SUN1: variants seen among roughly 807,000 people sequenced by gnomAD.
SUN1 encodes the protein SUN domain-containing protein 1.
A neutral mutation model predicts 103.2 loss-of-function variants in SUN1; 61 were observed. The observed-to-expected ratio is 0.59, with a 90% CI of 0.48 to 0.73. The LOEUF (loss-of-function observed/expected upper bound fraction) is 0.73. Among genes scored for constraint, SUN1 ranks in the 30% least tolerant of loss-of-function variants. SUN1 has a pLI of 0.00. For missense variants in SUN1, 1,052 were observed against 1,034.6 expected (o/e 1.02, Z -0.23); for synonymous variants, 490 against 425.7 (o/e 1.15, Z -1.86).
At chr7:845,562 A>G (rs1562644522) in intron 5 of SUN1, among the ~76,000 whole-genome samples, 1 of 152,208 alleles carries the variant, frequency 6.6e-6, no homozygotes, top group East Asian at 1.9e-4. Flanking sequence ...ACACTTCCAG[A>G]AATTTCCCCT....
intron 15 of SUN1, among the ~76,000 whole-genome samples, chr7:862,732 C>T (rs1306553386): frequency 6.6e-6 from 1 of 152,090 alleles, no homozygotes; most frequent in East Asian, 1.9e-4. Flanking sequence ...GAGGCTGCAC[C>T]GAAGGTTCCA....
At chr7:823,325 C>G (rs1788166507) in intron 1 of SUN1, among the ~76,000 whole-genome samples, 1 of 152,154 alleles carries the variant, frequency 6.6e-6, no homozygotes, top group Non-Finnish European at 1.5e-5. Context: ...TTGACAGTAA[C>G]TGGGGTAGGA....
rs1321957137 is a variant in SUN1 at position 842,239 on chromosome 7, C to G, written c.451+109C>G. ...AGGTTGTCGGTTTGCATGGATTATG[C>G]TAGGGAGAGGGAGGCTGTGGCCACA... On this transcript the variant is annotated intron_variant, in intron 3 of 18. Transcript: ENST00000401592. 3.3e-6 allele frequency: 4 copies of G among 1,220,198 alleles called. No homozygotes were observed. In the African/African-American group the frequency reaches 4.5e-5, roughly 14 times the overall value. 75.6% of individuals were successfully genotyped at this position (1,220,198 alleles called of 1,614,324 possible).
chr7:873,541 G>A lies in SUN1; in HGVS notation c.*210G>A, dbSNP rs879035168. On this transcript the variant is annotated 3_prime_UTR_variant, in exon 19 of 19. Coordinates refer to ENST00000401592, the MANE Select transcript of SUN1 (RefSeq NM_001130965.3). The stretch of plus-strand genomic sequence containing the variant: ...TGCCTCTGCAGGTGCAGAGGGGTCA[G>A]CAGCAGGAGAAGCGTGTTGAACACG... 8 of 528,088 alleles carry A rather than the reference G, an allele frequency of 1.5e-5. No homozygotes were observed. The South Asian group carries it at 2.1e-4, about 14-fold the overall frequency. The allele number at this position is 528,088 out of a possible 1,614,324, so 32.7% of individuals were successfully genotyped here. A position where few individuals can be genotyped will look rare whatever the true frequency, so the allele number is the denominator to read the frequency against.
chr7:858,494 C>G (rs899158250), intron 13 of SUN1, among the ~76,000 whole-genome samples: 2 of 152,244 alleles, frequency 1.3e-5, no homozygotes, highest in Non-Finnish European at 2.9e-5. Context: ...TCAGCACCCA[C>G]CATGCGTCTT....
chr7:855,790 T>G (rs1161885938), intron 11 of SUN1, among the ~76,000 whole-genome samples: 1 of 151,422 alleles, frequency 6.6e-6, no homozygotes, highest in East Asian at 1.9e-4. Flanking sequence ...GGGCGCCTCC[T>G]CCTCTGTCCA....
intron 14 of SUN1, among the ~76,000 whole-genome samples, chr7:860,751 T>C (rs1337200345): frequency 6.6e-6 from 1 of 152,200 alleles, no homozygotes. Flanking sequence ...GAAAGGATCA[T>C]TGACTCACAG....
chr7:851,676 C>T, intron 6 of SUN1, 194 bp downstream of exon 6: 1 of 664,696 alleles, frequency 1.5e-6, no homozygotes, highest in Non-Finnish European at 2.5e-6. Flanking sequence ...CTTGGTTTCT[C>T]TGGGGTTGGG....
intron 15 of SUN1, among the ~76,000 whole-genome samples, chr7:863,209 C>T (rs1364220683): frequency 6.6e-6 from 1 of 151,508 alleles, no homozygotes; most frequent in African/African-American, 2.4e-5. Context: ...AGTGCCAGGG[C>T]CCCTGGAGTG....
chr7:850,767 T>TAAAAAAAAAA (rs771076592), intron 5 of SUN1: 3 of 125,568 alleles, frequency 2.4e-5, no homozygotes, highest in Admixed American at 8.3e-5. Flanking sequence ...TCTCTTAAAT[T>TAAAAAAAAAA]AAAAAAAAAA....
At chr7:822,483 C>CA (rs1360947756) in intron 1 of SUN1, among the ~76,000 whole-genome samples, 18 of 152,180 alleles carry the variant, frequency 1.2e-4, no homozygotes, top group African/African-American at 4.1e-4. Flanking sequence ...GGTGGGGAGA[C>CA]ACCCCTCGGG....
intron 13 of SUN1, among the ~76,000 whole-genome samples, chr7:858,806 C>G (rs1194769267): frequency 1.3e-5 from 2 of 152,180 alleles, no homozygotes; most frequent in Non-Finnish European, 2.9e-5. Context: ...AAGATTATCT[C>G]TGATGTGCAG....
Position 843,480 on chromosome 7 carries a change from G to C in SUN1, c.618G>C (p.Gly206=). 1 of 1,614,076 alleles carries C rather than the reference G, an allele frequency of 6.2e-7. No homozygotes were observed. The highest frequency in any genetic ancestry group is 1.1e-5 in the South Asian group (1 of 91,086). ...DVLTAHPAAP[G]PVSRVYSRDR... ...TCACGGCGCACCCCGCGGCCCCCGG[G>C]CCCGTGTCGAGAGTTTATTCTAGGG... The change falls in exon 5 of 19, where the codon GGG becomes GGC. Residue 206 remains glycine (G), a synonymous_variant. Coordinates refer to ENST00000401592, the MANE Select transcript of SUN1 (RefSeq NM_001130965.3).
intron 11 of SUN1, among the ~76,000 whole-genome samples, chr7:855,365 A>G (rs1430910052): frequency 6.6e-6 from 1 of 152,196 alleles, no homozygotes; most frequent in East Asian, 1.9e-4. Context: ...GAGGGGGGAT[A>G]AAGGACCTGA....
At chr7:864,623 T>G (rs1468950031) in intron 15 of SUN1, among the ~76,000 whole-genome samples, 1 of 148,904 alleles carries the variant, frequency 6.7e-6, no homozygotes, top group Non-Finnish European at 1.5e-5. Context: ...ATATGGTAGG[T>G]CTTATGCATT....
At chr7:843,176 A>G in intron 3 of SUN1, 30 bp from the exon 4 acceptor site, 1 of 1,576,988 alleles carries the variant, frequency 6.3e-7, no homozygotes. Flanking sequence ...AACAGCAAAA[A>G]TGTGTGTGTG....
In SUN1 at chr7:826,428, T is replaced by A. The variant is rs2128180317; in HGVS notation, c.-74+9755T>A. Among the ~76,000 whole-genome samples the A allele has an allele frequency of 1.3e-5, 2 of 152,232 alleles. 1 individual carries two copies. The highest frequency in any genetic ancestry group is 4.2e-4 in the South Asian group (2 of 4,806). On this transcript the variant is annotated intron_variant, in intron 1 of 17. Transcript: ENST00000389574. ...CTCGGGAAGGTCCCTGAGGGAAGGA[T>A]CTGGCGAAACATCGCTGCCCAGCCG...
intron 9 of SUN1, 83 bp downstream of exon 9, chr7:853,035 T>G: frequency 6.7e-7 from 1 of 1,492,492 alleles, no homozygotes; most frequent in African/African-American, 1.4e-5. Context: ...AGCCAGGCAC[T>G]TCAGTTGGGT....
intron 1 of SUN1, among the ~76,000 whole-genome samples, chr7:820,450 G>T (rs1318242673): frequency 6.6e-6 from 1 of 152,108 alleles, no homozygotes; most frequent in South Asian, 2.1e-4. Flanking sequence ...GAGTTTGCTT[G>T]TTAGTTCTAA....
Sources: allele counts gnomAD v4.1 joint callset (sites outside exome capture counted in the v4.1 genomes callset), GRCh38; gene constraint gnomAD v4.1.1; transcripts MANE v1.5; gene names NCBI Gene and HGNC (gene_info 2026-07-23, HGNC 2026-07-21).